The following HOMER1 variants were observed in gnomAD, a reference collection of about 807,000 sequenced individuals.
HOMER1 encodes the protein homer scaffold protein 1.
HOMER1 carries 3 observed loss-of-function variants against 48.9 expected under a neutral mutation model. The ratio of observed to expected loss-of-function variants is 0.06; its 90% CI spans 0.03 to 0.16. The LOEUF (loss-of-function observed/expected upper bound fraction) is 0.16, where lower values mean the gene tolerates loss of function less well. Ranked by LOEUF, HOMER1 falls within the 10% of genes least tolerant of loss-of-function variation. The probability of loss-of-function intolerance (pLI) is 1.00; values close to 1 mark genes in which losing one functional copy is unlikely to be tolerated. For synonymous variants in HOMER1, 134 were observed against 146.4 expected (o/e 0.92, Z 0.61); for missense variants, 247 against 411.4 (o/e 0.60, Z 3.46).
chr5:79,442,154 C>G lies in HOMER1; in HGVS notation c.388-3005G>C, dbSNP rs574159606. Among the ~76,000 whole-genome samples the G allele has an allele frequency of 3.4e-4, 52 of 151,864 alleles. No individual in the cohort carries two copies. The South Asian group carries it at 0.01, about 30-fold the overall frequency. On this transcript the variant is annotated intron_variant, in intron 4 of 8. Coordinates refer to ENST00000334082, the MANE Select transcript of HOMER1 (RefSeq NM_004272.5). ...ACTCTCCCTATAACTCCCACCAAAA[C>G]AAATAATCTACAGTAAGAAAAAGGA...
At chr5:79,457,475 G>T (rs1271158286) in intron 1 of HOMER1, among the ~76,000 whole-genome samples, 2 of 152,066 alleles carry the variant, frequency 1.3e-5, no homozygotes, top group African/African-American at 4.8e-5. Flanking sequence ...ACACTTTGTT[G>T]GTGCTTTTAC....
chr5:79,397,458 T>G (rs774371761), intron 7 of HOMER1, 69 bp downstream of exon 7: 60 of 965,164 alleles, frequency 6.2e-5, no homozygotes, highest in Non-Finnish European at 9.5e-5. Flanking sequence ...CTTTTAAATT[T>G]GACATGGAAT....
At chr5:79,446,589 T>C (rs907374882) in intron 4 of HOMER1, among the ~76,000 whole-genome samples, 2 of 152,180 alleles carry the variant, frequency 1.3e-5, no homozygotes, top group South Asian at 4.1e-4. Context: ...GGCATTGGCA[T>C]ATAGAAAAAC....
chr5:79,506,108 A>T (rs1327163134), intron 1 of HOMER1, among the ~76,000 whole-genome samples: 1 of 87,456 alleles, frequency 1.1e-5, no homozygotes, highest in African/African-American at 5.9e-5. Context: ...AAAAACTTTT[A>T]TTTATTTATT....
At chr5:79,460,955 T>C (rs10078095) in intron 1 of HOMER1, among the ~76,000 whole-genome samples, 32,749 of 151,922 alleles carry the variant, frequency 0.22, 3,661 homozygotes, top group South Asian at 0.37. Context: ...AAGTCTAAGA[T>C]TGGGGAAGTG....
chr5:79,437,052 A>G (rs1277746644), intron 5 of HOMER1, among the ~76,000 whole-genome samples: 1 of 152,190 alleles, frequency 6.6e-6, no homozygotes, highest in Admixed American at 6.5e-5. Flanking sequence ...ACTTCAAGTC[A>G]AAGTAACTCT....
At position 79,502,853 on chromosome 5, in the gene HOMER1, C is replaced by T. The variant is rs568443636; in HGVS notation, c.5+9917G>A. Among the ~76,000 whole-genome samples, 4 of 152,286 alleles carry T rather than the reference C, an allele frequency of 2.6e-5. No homozygotes were observed. The East Asian group carries it at 5.8e-4, about 22-fold the overall frequency. ...TCGCCCAGGCTGGAGTGCAGTGGCGCAATCTCAGCTCACTGCAAGCTCCGC... is the reference window on the plus strand; with the variant it reads ...TCGCCCAGGCTGGAGTGCAGTGGCGTAATCTCAGCTCACTGCAAGCTCCGC... On this transcript the variant is annotated intron_variant, in intron 1 of 8. Transcript: ENST00000334082.
intron 1 of HOMER1, among the ~76,000 whole-genome samples, chr5:79,502,264 C>T (rs532710931): frequency 1.4e-4 from 22 of 152,040 alleles, no homozygotes; most frequent in African/African-American, 4.3e-4. Flanking sequence ...GTGATCTGCC[C>T]GCCTTGGCCT....
intron 8 of HOMER1, among the ~76,000 whole-genome samples, chr5:79,377,320 A>G (rs919299130): frequency 1.9e-4 from 29 of 152,164 alleles, no homozygotes; most frequent in African/African-American, 6.5e-4. Context: ...AAGTGAGTCT[A>G]AAAAAATAAA....
chr5:79,510,525 C>T, intron 1 of HOMER1: 1 of 735,492 alleles, frequency 1.4e-6, no homozygotes, highest in South Asian at 1.4e-5. Flanking sequence ...AGATACGAAT[C>T]TCTTAAGGGG....
intron 2 of HOMER1, among the ~76,000 whole-genome samples, chr5:79,452,323 T>C (rs982225731): frequency 2.2e-4 from 34 of 152,220 alleles, no homozygotes; most frequent in Admixed American, 2.6e-4. Flanking sequence ...TGTTACTAAA[T>C]ATTAACTTTG....
At chr5:79,504,579 G>C (rs1467116222) in intron 1 of HOMER1, among the ~76,000 whole-genome samples, 1 of 152,132 alleles carries the variant, frequency 6.6e-6, no homozygotes, top group Non-Finnish European at 1.5e-5. Flanking sequence ...GTCTTTGATA[G>C]TCATGTCCTA....
rs375587566 is a variant in HOMER1, at chr5:79,443,379, A to T, written c.387+3674T>A. On this transcript the variant is annotated intron_variant, in intron 4 of 8. Coordinates refer to ENST00000334082, the MANE Select transcript of HOMER1 (RefSeq NM_004272.5). ...TCCTAGAAAACTTGTTAGAAATGCA[A>T]ATCCTTGGGTTCCATCTTAGACCTA... 3.3e-5 allele frequency among the ~76,000 whole-genome samples: 5 copies of T among 152,208 alleles called. No individual in the cohort carries two copies. The East Asian group carries it at 5.8e-4, about 18-fold the overall frequency.
At chr5:79,407,775 A>C (rs1749705456) in intron 5 of HOMER1, among the ~76,000 whole-genome samples, 1 of 152,232 alleles carries the variant, frequency 6.6e-6, no homozygotes, top group Non-Finnish European at 1.5e-5. Context: ...ATAAAGGCTG[A>C]GTATTTTCAA....
Position 79,402,070 on chromosome 5 carries a change from A to T in HOMER1, c.528-15T>A. ...TGATTGCTGAACTAAAATAAAACAA[A>T]AAGAAAATTCTATCCATTACACCAA... On this transcript the variant is annotated splice_polypyrimidine_tract_variant and intron_variant, in intron 5 of 8. Coordinates refer to ENST00000334082, the MANE Select transcript of HOMER1 (RefSeq NM_004272.5). 1 of 1,607,852 alleles carries T rather than the reference A, an allele frequency of 6.2e-7. No individual in the cohort carries two copies. Among genetic ancestry groups the T allele is most frequent in the Non-Finnish European group, 8.5e-7 (1 of 1,178,446 alleles).
intron 1 of HOMER1, among the ~76,000 whole-genome samples, chr5:79,494,725 C>T (rs1456877337): frequency 6.6e-6 from 1 of 152,242 alleles, no homozygotes; most frequent in African/African-American, 2.4e-5. Context: ...AAAAATTAGC[C>T]GGGCATGGTG....
chr5:79,380,490 C>T (rs1281710590), intron 8 of HOMER1, among the ~76,000 whole-genome samples: 3 of 152,226 alleles, frequency 2.0e-5, no homozygotes, highest in Non-Finnish European at 2.9e-5. Flanking sequence ...AGGCTACCAC[C>T]GTCAGGGCTG....
chr5:79,375,961 G>T lies in HOMER1; in HGVS notation c.*48C>A. ...TGCAGAGCCTAAACAGTCCTATGAA[G>T]AGAGACAGTGTATCTTTTAATTAAT... is the stretch of plus-strand genomic sequence containing the variant. On this transcript the variant is annotated 3_prime_UTR_variant, in exon 9 of 9. Coordinates refer to ENST00000334082, the MANE Select transcript of HOMER1 (RefSeq NM_004272.5). 9 of 1,053,078 alleles carry T rather than the reference G, an allele frequency of 8.5e-6. No homozygotes were observed. The highest frequency in any genetic ancestry group is 3.0e-5 in the South Asian group (2 of 66,038). 65.2% of individuals were successfully genotyped at this position (1,053,078 alleles called of 1,614,324 possible).
At chr5:79,414,339 CCCT>C (rs1232303837) in intron 5 of HOMER1, among the ~76,000 whole-genome samples, 2 of 151,734 alleles carry the variant, frequency 1.3e-5, no homozygotes, top group African/African-American at 2.4e-5. Flanking sequence ...AAGCGATCCA[CCCT>C]CCTCAGCCTC....
Sources: allele counts gnomAD v4.1 joint callset (sites outside exome capture counted in the v4.1 genomes callset), GRCh38; gene constraint gnomAD v4.1.1; transcripts MANE v1.5; gene names NCBI Gene and HGNC (gene_info 2026-07-23, HGNC 2026-07-21).